NKAIN3: variants seen among roughly 807,000 people sequenced by gnomAD.
NKAIN3 encodes sodium/potassium transporting ATPase interacting 3, also known as sodium/potassium-transporting ATPase subunit beta-1-interacting protein 3.
Under a neutral mutation model 30.2 loss-of-function variants are expected in NKAIN3, and 25 were observed. That is an observed-to-expected ratio of 0.83 (90% CI 0.60 to 1.16). NKAIN3 has a LOEUF of 1.16. Ranked by LOEUF, NKAIN3 falls within the 50% of genes most tolerant of loss-of-function variation. The pLI, the probability that NKAIN3 is intolerant of heterozygous loss-of-function variation, is 0.00. For synonymous variants in NKAIN3, 91 were observed against 89.6 expected, an observed-to-expected ratio of 1.02 and a Z score of -0.09; for missense variants, 225 against 254.1, an observed-to-expected ratio of 0.89 and a Z score of 0.78.
chr8:62,619,973 C>T lies in NKAIN3; in HGVS notation c.273+30179C>T, dbSNP rs146801653. Among the ~76,000 whole-genome samples the T allele has an allele frequency of 3.2e-3, 485 of 152,144 alleles. 4 individuals carry two copies. The highest frequency in any genetic ancestry group is 0.011 in the African/African-American group (463 of 41,510). ...TCATCTTAGGTGCATTGGCTGGGTC[C>T]CTGTAATGAAACACAGATTAACGAG... On this transcript the variant is annotated intron_variant, in intron 3 of 6. Coordinates refer to ENST00000623646, the MANE Select transcript of NKAIN3 (RefSeq NM_001304533.3).
At chr8:62,861,058 A>G (rs1820223609) in intron 4 of NKAIN3, among the ~76,000 whole-genome samples, 1 of 152,236 alleles carries the variant, frequency 6.6e-6, no homozygotes, top group Non-Finnish European at 1.5e-5. Flanking sequence ...AGATATTTGT[A>G]GAATTCCCAG....
At chr8:62,456,529 A>AT (rs1417883724) in intron 1 of NKAIN3, among the ~76,000 whole-genome samples, 1 of 152,066 alleles carries the variant, frequency 6.6e-6, no homozygotes, top group African/African-American at 2.4e-5. Flanking sequence ...AAAAAAAAAA[A>AT]AAAATAAAAA....
At position 62,503,943 on chromosome 8, in the gene NKAIN3, C is replaced by T. The variant is rs145837454; in HGVS notation, c.55-75596C>T. Among the ~76,000 whole-genome samples the T allele has an allele frequency of 1.5e-4, 23 of 152,120 alleles. No homozygotes were observed. In the East Asian group the frequency reaches 4.3e-3, roughly 28 times the overall value. ...TGAGGTGATGTACCTCCTCAGTTTACGAAGATAACAGGATTGAGATTAAAG... is the reference window on the plus strand; with the variant it reads ...TGAGGTGATGTACCTCCTCAGTTTATGAAGATAACAGGATTGAGATTAAAG... On this transcript the variant is annotated intron_variant, in intron 1 of 6. Coordinates refer to ENST00000623646, the MANE Select transcript of NKAIN3 (RefSeq NM_001304533.3).
intron 4 of NKAIN3, among the ~76,000 whole-genome samples, chr8:62,882,495 T>C (rs557798316): frequency 1.3e-5 from 2 of 152,150 alleles, no homozygotes; most frequent in Admixed American, 1.3e-4. Flanking sequence ...TTTTTGTATT[T>C]TTAGTAGAGA....
At chr8:62,735,770 T>C (rs1563537949) in intron 3 of NKAIN3, among the ~76,000 whole-genome samples, 1 of 152,152 alleles carries the variant, frequency 6.6e-6, no homozygotes, top group African/African-American at 2.4e-5. Context: ...GGGTACACTA[T>C]ATTAGAGGGA....
At chr8:62,939,204 A>G (rs1464837704) in intron 5 of NKAIN3, among the ~76,000 whole-genome samples, 2 of 152,192 alleles carry the variant, frequency 1.3e-5, no homozygotes, top group African/African-American at 4.8e-5. Context: ...AACAAAAACA[A>G]AGAAAAAAAT....
Position 62,810,356 on chromosome 8 carries a change from C to A in NKAIN3, c.471+63227C>A, listed in dbSNP as rs1375677495. ...AGGGGATGTATTTGGAGGAGTAGGT[C>A]ATTTCTCAGGTAAAAAAGTGTTTTA... is the stretch of plus-strand genomic sequence containing the variant. On this transcript the variant is annotated intron_variant, in intron 4 of 6. Transcript: ENST00000623646. 7.2e-5 allele frequency among the ~76,000 whole-genome samples: 11 copies of A among 152,004 alleles called. No homozygotes were observed. The South Asian group carries it at 8.3e-4, about 11-fold the overall frequency.
intron 4 of NKAIN3, among the ~76,000 whole-genome samples, chr8:62,795,799 T>C (rs1223792574): frequency 6.6e-6 from 1 of 152,312 alleles, no homozygotes; most frequent in African/African-American, 2.4e-5. Context: ...ATCATTATTG[T>C]ATGAACTCAC....
intron 1 of NKAIN3, among the ~76,000 whole-genome samples, chr8:62,295,658 A>G (rs1563923249): frequency 6.6e-6 from 1 of 152,198 alleles, no homozygotes. Flanking sequence ...AGATCACTTT[A>G]TCTAACAAAA....
chr8:62,449,703 A>G (rs559348103), intron 1 of NKAIN3, among the ~76,000 whole-genome samples: 1 of 152,276 alleles, frequency 6.6e-6, no homozygotes, highest in East Asian at 1.9e-4. Flanking sequence ...TGATTTAGAA[A>G]AAGAACAATC....
intron 1 of NKAIN3, among the ~76,000 whole-genome samples, chr8:62,288,565 A>G (rs190466700): frequency 1.3e-3 from 192 of 152,348 alleles, no homozygotes; most frequent in Non-Finnish European, 1.8e-3. Flanking sequence ...CATAAAGGAC[A>G]TAAACTCATC....
At position 62,593,292 on chromosome 8, in the gene NKAIN3, G is replaced by T. The variant is rs532390796; in HGVS notation, c.273+3498G>T. 3.3e-5 allele frequency among the ~76,000 whole-genome samples: 5 copies of T among 151,450 alleles called. No homozygotes were observed. The East Asian group carries it at 9.8e-4, about 30-fold the overall frequency. ...AATTGTTAATAATTCACAAATCAAA[G>T]AAGAAATTTAGAGGAAAATTGAAAA... On this transcript the variant is annotated intron_variant, in intron 3 of 6. Coordinates refer to ENST00000623646, the MANE Select transcript of NKAIN3 (RefSeq NM_001304533.3).
At chr8:62,774,479 G>C (rs892187703) in intron 4 of NKAIN3, among the ~76,000 whole-genome samples, 1 of 152,142 alleles carries the variant, frequency 6.6e-6, no homozygotes, top group Non-Finnish European at 1.5e-5. Context: ...TCCTTGTCAT[G>C]TTCCAGATTT....
At chr8:62,759,332 A>G (rs1237889659) in intron 4 of NKAIN3, among the ~76,000 whole-genome samples, 1 of 152,172 alleles carries the variant, frequency 6.6e-6, no homozygotes, top group Non-Finnish European at 1.5e-5. Context: ...AAATCAATTC[A>G]ATGATTTGTA....
Position 62,466,615 on chromosome 8 carries a change from A to G in NKAIN3, c.55-112924A>G, listed in dbSNP as rs1442849509. On this transcript the variant is annotated intron_variant, in intron 1 of 6. Coordinates refer to ENST00000623646, the MANE Select transcript of NKAIN3 (RefSeq NM_001304533.3). ...TTCAATTAAATGTCACTTTTCTTCA[A>G]TGTGTACTCTGGGTGAGCACACTAA... Among the ~76,000 whole-genome samples, 15 of 152,170 alleles carry G rather than the reference A, an allele frequency of 9.9e-5. No homozygotes were observed. The South Asian group carries it at 1.4e-3, about 15-fold the overall frequency.
At chr8:62,769,927 AC>A (rs763940387) in intron 4 of NKAIN3, among the ~76,000 whole-genome samples, 4 of 152,152 alleles carry the variant, frequency 2.6e-5, no homozygotes, top group Non-Finnish European at 5.9e-5. Flanking sequence ...GGTGGATGGA[AC>A]CTAAGATAAC....
At chr8:62,321,729 G>A (rs548195537) in intron 1 of NKAIN3, among the ~76,000 whole-genome samples, 1 of 152,192 alleles carries the variant, frequency 6.6e-6, no homozygotes, top group Non-Finnish European at 1.5e-5. Flanking sequence ...TGAGGTGTCA[G>A]TCTGCCCCTA....
At chr8:62,317,492 A>T (rs529942479) in intron 1 of NKAIN3, among the ~76,000 whole-genome samples, 5 of 152,168 alleles carry the variant, frequency 3.3e-5, no homozygotes, top group African/African-American at 1.2e-4. Flanking sequence ...CTTTCTACAT[A>T]TGGCTAGCCA....
intron 4 of NKAIN3, among the ~76,000 whole-genome samples, chr8:62,846,668 T>A (rs1429831718): frequency 6.6e-6 from 1 of 152,164 alleles, no homozygotes; most frequent in African/African-American, 2.4e-5. Flanking sequence ...TCTCATTCCT[T>A]TTTAAGGCTG....
Sources: gnomAD v4.1 joint callset for allele counts (sites outside exome capture counted in the v4.1 genomes callset) on GRCh38, gnomAD v4.1.1 for gene constraint, MANE v1.5 for transcripts, NCBI Gene and HGNC (gene_info 2026-07-23, HGNC 2026-07-21) for gene names.